The following CTNNA3 variants were observed in gnomAD, a reference collection of about 807,000 sequenced individuals.
CTNNA3 encodes the protein catenin alpha 3.
A neutral mutation model predicts 95.7 loss-of-function variants in CTNNA3; 76 were observed. The ratio of observed to expected loss-of-function variants is 0.79; its 90% CI spans 0.66 to 0.96. The LOEUF (loss-of-function observed/expected upper bound fraction) is 0.96. Among genes scored for constraint, CTNNA3 ranks in the 40% least tolerant of loss-of-function variants. The pLI is 0.00. For synonymous variants in CTNNA3, 431 were observed against 374.4 expected, an observed-to-expected ratio of 1.15 and a Z score of -1.74; for missense variants, 1,191 against 1,089.8, an observed-to-expected ratio of 1.09 and a Z score of -1.31.
intron 5 of CTNNA3, among the ~76,000 whole-genome samples, chr10:67,493,951 A>T (rs950631686): frequency 1.3e-5 from 2 of 152,220 alleles, no homozygotes; most frequent in Non-Finnish European, 2.9e-5. Context: ...AAAAATGAGT[A>T]GAAAAAAATG....
At chr10:66,457,560 A>G (rs911845635) in intron 11 of CTNNA3, among the ~76,000 whole-genome samples, 2 of 151,876 alleles carry the variant, frequency 1.3e-5, no homozygotes, top group Non-Finnish European at 2.9e-5. Context: ...CATGAATATA[A>G]ACACAGCTCC....
At chr10:67,703,807 G>A (rs1326558391) in intron 1 of CTNNA3, among the ~76,000 whole-genome samples, 12 of 152,084 alleles carry the variant, frequency 7.9e-5, no homozygotes, top group East Asian at 7.7e-4. Context: ...AATAAAGGGT[G>A]TTCAATTAGG....
At chr10:66,376,216 T>A in intron 12 of CTNNA3, among the ~76,000 whole-genome samples, 1 of 152,202 alleles carries the variant, frequency 6.6e-6, no homozygotes, top group South Asian at 2.1e-4. Flanking sequence ...GTATAATTTG[T>A]AAGCCTTCAC....
chr10:67,496,162 G>T (rs76497997), intron 5 of CTNNA3, among the ~76,000 whole-genome samples: 2,594 of 152,134 alleles, frequency 0.017, 77 homozygotes, highest in African/African-American at 0.057. Flanking sequence ...CTTTATAATT[G>T]TATTATTTTT....
In CTNNA3 at chr10:67,443,756, C is replaced by T. The variant is rs111809106; in HGVS notation, c.579+78086G>A. 3.0e-3 allele frequency among the ~76,000 whole-genome samples: 461 copies of T among 152,100 alleles called. 1 individual carries two copies. Among genetic ancestry groups the T allele is most frequent in the African/African-American group, 0.011 (438 of 41,514 alleles). ...TCCCATTTTGTAGGTTGCCTGTTCA[C>T]TCTGATGGTAGTTTCTTTTGCTGTG... On this transcript the variant is annotated intron_variant, in intron 5 of 17. Transcript: ENST00000433211.
intron 5 of CTNNA3, among the ~76,000 whole-genome samples, chr10:67,239,701 A>G (rs932817104): frequency 6.6e-6 from 1 of 152,190 alleles, no homozygotes. Flanking sequence ...AGTAAAGCCA[A>G]TATCTACAGT....
At chr10:66,327,313 A>ATG (rs1320221464) in intron 12 of CTNNA3, among the ~76,000 whole-genome samples, 2 of 152,110 alleles carry the variant, frequency 1.3e-5, no homozygotes, top group Non-Finnish European at 2.9e-5. Context: ...TAAGGAACTG[A>ATG]TGTTCTTCAC....
intron 5 of CTNNA3, among the ~76,000 whole-genome samples, chr10:67,328,410 C>G (rs1334292808): frequency 6.6e-6 from 1 of 152,194 alleles, no homozygotes; most frequent in Non-Finnish European, 1.5e-5. Context: ...CAAGACCACC[C>G]TGCAGAGTTC....
At chr10:67,312,228 G>A (rs746468472) in intron 5 of CTNNA3, among the ~76,000 whole-genome samples, 8 of 151,922 alleles carry the variant, frequency 5.3e-5, no homozygotes, top group South Asian at 2.1e-4. Flanking sequence ...ACGCACCACC[G>A]TGCCCAGCTA....
chr10:66,256,939 T>C (rs1170243819), intron 13 of CTNNA3, among the ~76,000 whole-genome samples: 1 of 152,096 alleles, frequency 6.6e-6, no homozygotes, highest in African/African-American at 2.4e-5. Context: ...AAGCCTGTCC[T>C]CACTAGAAAT....
At position 66,414,105 on chromosome 10, in the gene CTNNA3, A is replaced by G. The variant is rs148674548; in HGVS notation, c.1532-34753T>C. On this transcript the variant is annotated intron_variant, in intron 11 of 17. Coordinates refer to ENST00000433211, the MANE Select transcript of CTNNA3 (RefSeq NM_013266.4). ...TTTTTTGTTTGTTTATTGGTGAAAC[A>G]AAAGGATTATTAAAACACTTAAATA... Among the ~76,000 whole-genome samples the G allele has an allele frequency of 2.4e-3, 364 of 152,272 alleles. 5 individuals are homozygous for G. The highest frequency in any genetic ancestry group is 6.0e-4 in the Non-Finnish European group (41 of 68,018).
chr10:66,347,337 G>T (rs1323769085), intron 12 of CTNNA3, among the ~76,000 whole-genome samples: 1 of 152,064 alleles, frequency 6.6e-6, no homozygotes, highest in Non-Finnish European at 1.5e-5. Flanking sequence ...CAGGCTGGAT[G>T]CCATGGCTCA....
chr10:66,013,833 G>C (rs1243979680), intron 15 of CTNNA3, among the ~76,000 whole-genome samples: 1 of 151,952 alleles, frequency 6.6e-6, no homozygotes, highest in Non-Finnish European at 1.5e-5. Context: ...CAAATCTCTT[G>C]GTTGCTAATA....
At chr10:67,437,758 A>G (rs1179706998) in intron 5 of CTNNA3, among the ~76,000 whole-genome samples, 1 of 151,976 alleles carries the variant, frequency 6.6e-6, no homozygotes, top group African/African-American at 2.4e-5. Flanking sequence ...ATGAAATGAA[A>G]ATAGGAAAAA....
intron 7 of CTNNA3, among the ~76,000 whole-genome samples, chr10:67,122,646 T>C (rs1859528685): frequency 6.6e-6 from 1 of 152,124 alleles, no homozygotes; most frequent in Non-Finnish European, 1.5e-5. Context: ...TATTACTTAT[T>C]TTGACTCTCT....
chr10:67,288,411 A>G (rs559078091), intron 5 of CTNNA3, among the ~76,000 whole-genome samples: 1 of 152,280 alleles, frequency 6.6e-6, no homozygotes, highest in East Asian at 1.9e-4. Context: ...TTTATTACCA[A>G]TGCAACCAAT....
At chr10:66,058,438 C>A (rs1453553731) in intron 15 of CTNNA3, among the ~76,000 whole-genome samples, 1 of 152,150 alleles carries the variant, frequency 6.6e-6, no homozygotes, top group Non-Finnish European at 1.5e-5. Context: ...CATCCACCAT[C>A]CCTCTGAAGC....
intron 1 of CTNNA3, among the ~76,000 whole-genome samples, chr10:67,702,540 G>A (rs920672310): frequency 3.4e-4 from 52 of 152,240 alleles, no homozygotes; most frequent in Middle Eastern, 3.4e-3. Context: ...GGTACATAAC[G>A]AAATGAAGGC....
At chr10:67,613,253 T>C (rs751888369) in intron 2 of CTNNA3, among the ~76,000 whole-genome samples, 22 of 152,076 alleles carry the variant, frequency 1.4e-4, no homozygotes, top group Non-Finnish European at 2.9e-4. Context: ...AATTAGCTGT[T>C]CACATATTGC....
Sources: gnomAD v4.1 joint callset for allele counts (sites outside exome capture counted in the v4.1 genomes callset) on GRCh38, gnomAD v4.1.1 for gene constraint, MANE v1.5 for transcripts, NCBI Gene and HGNC (gene_info 2026-07-23, HGNC 2026-07-21) for gene names.